The following GPR146 variants were observed in gnomAD, a reference collection of about 807,000 sequenced individuals.
GPR146 encodes G-protein coupled receptor 146.
For missense variants in GPR146, 381 were observed against 213.9 expected, an observed-to-expected ratio of 1.78 and a Z score of -4.87; for synonymous variants, 203 against 104.3, an observed-to-expected ratio of 1.95 and a Z score of -5.77.
chr7:1,053,398 C>G (rs996542920), intron 1 of GPR146, among the ~76,000 whole-genome samples: 1 of 152,240 alleles, frequency 6.6e-6, no homozygotes, highest in Non-Finnish European at 1.5e-5. Flanking sequence ...TGACAGGGAG[C>G]TGGGTTGGCT....
intron 1 of GPR146, chr7:1,056,675 C>G (rs1029825111): frequency 6.6e-6 from 1 of 152,188 alleles, no homozygotes; most frequent in African/African-American, 2.4e-5. Flanking sequence ...GGGTGAGGAC[C>G]CACTCCCGCA....
At chr7:1,045,626 T>C (rs1252100551) in intron 1 of GPR146, 1 of 152,254 alleles carries the variant, frequency 6.6e-6, no homozygotes, top group African/African-American at 2.4e-5. Context: ...ACGGAGGCAC[T>C]GTTAATAATT....
chr7:1,050,880 C>T (rs753745379), intron 1 of GPR146, among the ~76,000 whole-genome samples: 28 of 152,318 alleles, frequency 1.8e-4, no homozygotes, highest in African/African-American at 2.4e-4. Flanking sequence ...CAGGGGGTCT[C>T]GGAGAAACTC....
Position 1,051,933 on chromosome 7 carries a change from G to A in GPR146, c.-24-5559G>A, listed in dbSNP as rs918540651. ...GCAGAGGGTGCAGTTAGCTATGATG[G>A]TACCACTGCCCTCCAGCCTGGGTGA... On this transcript the variant is annotated intron_variant, in intron 1 of 1. Coordinates refer to ENST00000444847, the MANE Select transcript of GPR146 (RefSeq NM_001303473.2). Among the ~76,000 whole-genome samples the A allele has an allele frequency of 2.0e-5, 3 of 152,242 alleles. No individual in the cohort carries two copies. In the South Asian group the frequency reaches 6.2e-4, roughly 31 times the overall value.
intron 1 of GPR146, 116 bp downstream of exon 1, chr7:1,044,774 G>A (rs1406298731): frequency 6.6e-6 from 1 of 152,152 alleles, no homozygotes; most frequent in Non-Finnish European, 1.5e-5. Flanking sequence ...CGCTTACTGG[G>A]ACCCGGGTCC....
At chr7:1,054,483 G>A (rs1043747941) in intron 1 of GPR146, among the ~76,000 whole-genome samples, 6 of 152,212 alleles carry the variant, frequency 3.9e-5, no homozygotes, top group East Asian at 1.9e-4. Flanking sequence ...GCACGCACTC[G>A]AGAGCCGGTT....
Position 1,052,870 on chromosome 7 carries a change from GAGCCTCC to G in GPR146, c.-24-4619_-24-4613del, listed in dbSNP as rs1048620285. Among the ~76,000 whole-genome samples the G allele has an allele frequency of 4.6e-5, 7 of 152,162 alleles. No individual in the cohort carries two copies. Among genetic ancestry groups the G allele is most frequent in the African/African-American group, 1.7e-4 (7 of 41,426 alleles). On this transcript the variant is annotated intron_variant, in intron 1 of 1. Transcript: ENST00000444847. This position sits in a 1 kb window ranked among gnomAD's most constrained non-coding sequence, Gnocchi z 4.2. ...CTGTGGTCTCTCCTGCCTTCTGAGG[GAGCCTCC>G]AGAATCTTTCATCGCCGCCACAACA...
intron 1 of GPR146, among the ~76,000 whole-genome samples, chr7:1,054,369 C>T (rs936372620): frequency 5.9e-5 from 9 of 152,218 alleles, no homozygotes; most frequent in Non-Finnish European, 1.3e-4. Flanking sequence ...TTTATAAATC[C>T]TTCAGTATTT....
chr7:1,046,803 C>G (rs2128192679), intron 1 of GPR146, among the ~76,000 whole-genome samples: 1 of 152,346 alleles, frequency 6.6e-6, no homozygotes, highest in South Asian at 2.1e-4. Context: ...TTAATTGGAA[C>G]CAAAGCAAGC....
chr7:1,057,127 C>T (rs575891184), intron 1 of GPR146, among the ~76,000 whole-genome samples: 12 of 152,256 alleles, frequency 7.9e-5, no homozygotes, highest in African/African-American at 2.9e-4. Context: ...GCGAACACCA[C>T]AGACATCTAG....
chr7:1,050,705 TG>T lies in GPR146; in HGVS notation c.-25+6049del, dbSNP rs377575572. Among the ~76,000 whole-genome samples, 70 of 152,280 alleles carry T rather than the reference TG, an allele frequency of 4.6e-4. 1 individual carries two copies. In the East Asian group the frequency reaches 8.5e-3, roughly 19 times the overall value. ...GCAGTCGGAGCCCAGCACGGGGTCT[TG>T]GAAGAAAAGACCCCACCTTCTATCC... On this transcript the variant is annotated intron_variant, in intron 1 of 1. Transcript: ENST00000444847.
chr7:1,048,581 G>A (rs376025998), intron 1 of GPR146, among the ~76,000 whole-genome samples: 1 of 152,292 alleles, frequency 6.6e-6, no homozygotes, highest in African/African-American at 2.4e-5. Context: ...CCCTATCAAA[G>A]TTAGCCCCGG....
intron 1 of GPR146, among the ~76,000 whole-genome samples, chr7:1,054,709 C>T (rs1364528631): frequency 6.6e-6 from 1 of 152,206 alleles, no homozygotes; most frequent in Non-Finnish European, 1.5e-5. Context: ...TGGCCCCACG[C>T]GGTTCCACCT....
In GPR146 at chr7:1,044,568, C is replaced by A. The variant is rs1341025968; in HGVS notation, c.-115C>A. The A allele has an allele frequency of 1.3e-5, 2 of 150,892 alleles. No individual in the cohort carries two copies. Among genetic ancestry groups the A allele is most frequent in the African/African-American group, 4.8e-5 (2 of 41,300 alleles). 9.3% of individuals were successfully genotyped at this position (150,892 alleles called of 1,614,324 possible). On this transcript the variant is annotated 5_prime_UTR_variant, in exon 1 of 2. Coordinates refer to ENST00000444847, the MANE Select transcript of GPR146 (RefSeq NM_001303473.2). The stretch of plus-strand genomic sequence containing the variant: ...GACGGTCACGTGTGTACACAGGGCC[C>A]GGGCGGCGTGCGCGCCGTGAGCCCC...
chr7:1,057,454 C>A, intron 1 of GPR146, 38 bp from the exon 2 acceptor site: 1 of 679,712 alleles, frequency 1.5e-6, no homozygotes, highest in Non-Finnish European at 2.7e-6. Context: ...GGCTTTGGGA[C>A]GGGACGCGAG....
chr7:1,047,196 G>T (rs116583589), intron 1 of GPR146, among the ~76,000 whole-genome samples: 134 of 152,304 alleles, frequency 8.8e-4, no homozygotes, highest in African/African-American at 3.1e-3. Context: ...ATAGCTGCAG[G>T]CACAGGTGCC....
At chr7:1,054,845 A>G (rs1398965420) in intron 1 of GPR146, among the ~76,000 whole-genome samples, 2 of 152,170 alleles carry the variant, frequency 1.3e-5, no homozygotes, top group African/African-American at 4.8e-5. Flanking sequence ...TCCGACCTGA[A>G]CCTGCCCTCG....
rs1784146332 is a variant in GPR146 at position 1,058,668 on chromosome 7, G to A, written c.*151G>A. 1 of 611,754 alleles carries A rather than the reference G, an allele frequency of 1.6e-6. No individual in the cohort carries two copies. Among genetic ancestry groups the A allele is most frequent in the Non-Finnish European group, 3.0e-6 (1 of 336,106 alleles). The allele number at this position is 611,754 out of a possible 1,614,324, so 37.9% of individuals were successfully genotyped here. ...TTGAAGTTTCCTTTTTCCCACAAAT[G>A]CCACTCTTGGGCCAAGGCTGTGGTC... On this transcript the variant is annotated 3_prime_UTR_variant, in exon 2 of 2. Coordinates refer to ENST00000444847, the MANE Select transcript of GPR146 (RefSeq NM_001303473.2).
intron 1 of GPR146, among the ~76,000 whole-genome samples, chr7:1,051,114 C>T (rs780742983): frequency 6.6e-6 from 1 of 152,228 alleles, no homozygotes; most frequent in African/African-American, 2.4e-5. Context: ...TTCTCGGAGG[C>T]TTCATACAGC....
Sources: gnomAD v4.1 joint callset for allele counts (sites outside exome capture counted in the v4.1 genomes callset) on GRCh38, gnomAD v4.1.1 for gene constraint, Gnocchi (gnomAD v3.1) non-coding constraint, MANE v1.5 for transcripts, NCBI Gene and HGNC (gene_info 2026-07-23, HGNC 2026-07-21) for gene names.